The following POT1 variants were observed in gnomAD, a reference collection of about 807,000 sequenced individuals.
POT1 encodes protection of telomeres 1.
Under a neutral mutation model 78.5 loss-of-function variants are expected in POT1, and 47 were observed. That is an observed-to-expected ratio of 0.60 (90% CI 0.47 to 0.76). The LOEUF is 0.76. Ranked by LOEUF, POT1 falls within the 30% of genes least tolerant of loss-of-function variation. The pLI is 0.00. For synonymous variants in POT1, 259 were observed against 260.7 expected, an observed-to-expected ratio of 0.99 and a Z score of 0.06; for missense variants, 646 against 749.9, an observed-to-expected ratio of 0.86 and a Z score of 1.62.
At chr7:124,861,163 A>G (rs895024997) in intron 8 of POT1, among the ~76,000 whole-genome samples, 3 of 152,120 alleles carry the variant, frequency 2.0e-5, no homozygotes, top group African/African-American at 7.2e-5. Flanking sequence ...CTGGTTTTAG[A>G]TCCTTCAGGA....
At chr7:124,855,469 A>C (rs1350918548) in intron 9 of POT1, among the ~76,000 whole-genome samples, 2 of 151,878 alleles carry the variant, frequency 1.3e-5, no homozygotes, top group African/African-American at 4.8e-5. Context: ...AAAATTCCTT[A>C]TGGAGGCAGC....
At chr7:124,857,057 T>C (rs994053469) in intron 9 of POT1, among the ~76,000 whole-genome samples, 2 of 152,218 alleles carry the variant, frequency 1.3e-5, no homozygotes, top group Non-Finnish European at 2.9e-5. Context: ...TGTTTTGTTT[T>C]CTAATTACTA....
chr7:124,822,643 A>T lies in POT1; in HGVS notation c.*1319T>A. On this transcript the variant is annotated 3_prime_UTR_variant, in exon 19 of 19. Transcript: ENST00000357628. ...CTGTTCAACTGTAGGGTTTTAAAAT[A>T]TTTTTCCTGAAAATGTTTTGAACCA... The T allele has an allele frequency of 2.5e-6, 1 of 393,712 alleles. No individual in the cohort carries two copies. Among genetic ancestry groups the T allele is most frequent in the Non-Finnish European group, 5.3e-6 (1 of 187,594 alleles). 24.4% of individuals were successfully genotyped at this position (393,712 alleles called of 1,614,324 possible).
intron 6 of POT1, among the ~76,000 whole-genome samples, chr7:124,876,189 A>G (rs949945323): frequency 6.6e-6 from 1 of 152,216 alleles, no homozygotes; most frequent in South Asian, 2.1e-4. Context: ...ATTTGTTTGT[A>G]TATCTTTAAA....
intron 2 of POT1, among the ~76,000 whole-genome samples, chr7:124,928,301 T>C (rs541392266): frequency 1.3e-5 from 2 of 152,316 alleles, no homozygotes; most frequent in South Asian, 4.1e-4. Flanking sequence ...AAGTAAATCA[T>C]GTCTTTCTCC....
rs1214214979 is a variant in POT1 at position 124,898,275 on chromosome 7, T to C, written c.-54A>G. On this transcript the variant is annotated 5_prime_UTR_variant, in exon 4 of 19. Coordinates refer to ENST00000357628, the MANE Select transcript of POT1 (RefSeq NM_015450.3). Reference sequence around the variant, plus strand: ...TGCATACTTACATAAACAGTTGATTTGAGGTCTTCAAATGCTTTCAAAAAT... The same window carrying C: ...TGCATACTTACATAAACAGTTGATTCGAGGTCTTCAAATGCTTTCAAAAAT... 5 of 151,832 alleles carry C rather than the reference T, an allele frequency of 3.3e-5. No homozygotes were observed. The highest frequency in any genetic ancestry group is 1.2e-4 in the African/African-American group (5 of 41,386). The allele number at this position is 151,832 out of a possible 1,614,324, so 9.4% of individuals were successfully genotyped here.
At chr7:124,839,056 A>AT (rs1172827600) in intron 14 of POT1, among the ~76,000 whole-genome samples, 1 of 152,228 alleles carries the variant, frequency 6.6e-6, no homozygotes, top group Non-Finnish European at 1.5e-5. Flanking sequence ...AATTTCAAGA[A>AT]TTACTATATA....
chr7:124,840,396 G>T (rs1021567849), intron 14 of POT1, among the ~76,000 whole-genome samples: 4 of 149,976 alleles, frequency 2.7e-5, no homozygotes, highest in Admixed American at 2.7e-4. Flanking sequence ...AGGTTACAAG[G>T]GAAGAGAAGC....
intron 9 of POT1, among the ~76,000 whole-genome samples, chr7:124,858,332 C>G (rs1180972753): frequency 6.6e-6 from 1 of 152,080 alleles, no homozygotes; most frequent in African/African-American, 2.4e-5. Context: ...TTCTTTACTA[C>G]AAAAAGTACT....
intron 4 of POT1, among the ~76,000 whole-genome samples, chr7:124,897,456 T>C (rs1796520090): frequency 6.6e-6 from 1 of 151,972 alleles, no homozygotes; most frequent in Admixed American, 6.6e-5. Context: ...ATTAGTGTTC[T>C]TACAGATTAA....
intron 2 of POT1, among the ~76,000 whole-genome samples, chr7:124,920,356 A>G (rs1230968090): frequency 6.6e-6 from 1 of 152,200 alleles, no homozygotes; most frequent in Non-Finnish European, 1.5e-5. Flanking sequence ...TGCCATTTAT[A>G]TGACATTCTT....
chr7:124,837,107 A>C, intron 14 of POT1: 1 of 189,468 alleles, frequency 5.3e-6, no homozygotes, highest in Non-Finnish European at 1.2e-5. Context: ...CTAAGTTTGA[A>C]TTTTTTTCTG....
intron 16 of POT1, chr7:124,828,953 T>C (rs1377685053): frequency 1.6e-6 from 1 of 620,582 alleles, no homozygotes; most frequent in African/African-American, 1.8e-5. Flanking sequence ...TGCAGCACAA[T>C]GTCCAGCTCT....
intron 14 of POT1, among the ~76,000 whole-genome samples, chr7:124,838,420 T>C (rs185149522): frequency 2.6e-4 from 39 of 151,962 alleles, no homozygotes; most frequent in Admixed American, 5.9e-4. Context: ...AAAAAGAAAA[T>C]ACTTAGATAT....
Position 124,839,680 on chromosome 7 carries a change from A to AT in POT1, c.1369+1292dup, listed in dbSNP as rs993416026. Among the ~76,000 whole-genome samples the AT allele has an allele frequency of 1.6e-4, 25 of 152,216 alleles. 1 individual carries two copies. Among genetic ancestry groups the AT allele is most frequent in the Non-Finnish European group, 2.4e-4 (16 of 67,984 alleles). Reference sequence around the variant, plus strand: ...AAGTGCTTTTACATACATTCTCATTATTTTTTTAAATAAGCCTTTTTTAAA... The same window carrying AT: ...AAGTGCTTTTACATACATTCTCATTATTTTTTTTAAATAAGCCTTTTTTAAA... On this transcript the variant is annotated intron_variant, in intron 14 of 18. Coordinates refer to ENST00000357628, the MANE Select transcript of POT1 (RefSeq NM_015450.3).
At chr7:124,900,183 GT>G (rs1385476522) in intron 3 of POT1, among the ~76,000 whole-genome samples, 3 of 152,114 alleles carry the variant, frequency 2.0e-5, no homozygotes, top group African/African-American at 7.2e-5. Flanking sequence ...AACTCTGCCT[GT>G]TTTATTTCCA....
chr7:124,831,734 T>C (rs1237692999), intron 15 of POT1, among the ~76,000 whole-genome samples: 1 of 152,026 alleles, frequency 6.6e-6, no homozygotes, highest in African/African-American at 2.4e-5. Flanking sequence ...CATGCGTCAA[T>C]AGTGGTAAAT....
chr7:124,883,484 TA>T (rs1313354417), intron 6 of POT1, among the ~76,000 whole-genome samples: 3 of 152,074 alleles, frequency 2.0e-5, no homozygotes, highest in Non-Finnish European at 4.4e-5. Flanking sequence ...AGAAAATAAA[TA>T]AGCAGTTTGC....
intron 3 of POT1, among the ~76,000 whole-genome samples, chr7:124,908,565 C>T (rs1479174705): frequency 6.6e-6 from 1 of 151,824 alleles, no homozygotes; most frequent in Non-Finnish European, 1.5e-5. Context: ...ACCCAAGTAT[C>T]CCTGTGATCA....
Sources: gnomAD v4.1 joint callset for allele counts (sites outside exome capture counted in the v4.1 genomes callset) on GRCh38, gnomAD v4.1.1 for gene constraint, MANE v1.5 for transcripts, NCBI Gene and HGNC (gene_info 2026-07-23, HGNC 2026-07-21) for gene names.